The following PPM1H variants were observed in gnomAD, a reference collection of about 807,000 sequenced individuals.
The protein encoded by PPM1H is protein phosphatase, Mg2+/Mn2+ dependent 1H.
PPM1H carries 27 observed loss-of-function variants against 54.9 expected under a neutral mutation model. The observed-to-expected ratio is 0.49, with a 90% confidence interval of 0.36 to 0.68. The LOEUF (loss-of-function observed/expected upper bound fraction) is 0.68. Ranked by LOEUF, PPM1H falls within the 30% of genes least tolerant of loss-of-function variation. The pLI is 0.00. For synonymous variants in PPM1H, 305 were observed against 270.8 expected, an observed-to-expected ratio of 1.13 and a Z score of -1.24; for missense variants, 596 against 667.8, an observed-to-expected ratio of 0.89 and a Z score of 1.19.
chr12:62,746,250 C>T (rs1397227003), intron 4 of PPM1H, among the ~76,000 whole-genome samples: 1 of 152,164 alleles, frequency 6.6e-6, no homozygotes, highest in Non-Finnish European at 1.5e-5. Context: ...TCCCCTGCAG[C>T]CTGAGCATTC....
chr12:62,772,303 AGT>A (rs1181237578), intron 4 of PPM1H, among the ~76,000 whole-genome samples: 1 of 152,166 alleles, frequency 6.6e-6, no homozygotes, highest in Non-Finnish European at 1.5e-5. Flanking sequence ...CATTCTGCTA[AGT>A]TGTGTGGCTA....
intron 5 of PPM1H, among the ~76,000 whole-genome samples, chr12:62,736,215 C>T (rs987728643): frequency 1.6e-4 from 24 of 152,138 alleles, no homozygotes; most frequent in African/African-American, 2.2e-4. Flanking sequence ...GTGGCCCTAT[C>T]GTCCAGCTCT....
intron 4 of PPM1H, among the ~76,000 whole-genome samples, chr12:62,744,097 C>T (rs2076397033): frequency 6.6e-6 from 1 of 151,190 alleles, no homozygotes; most frequent in African/African-American, 2.4e-5. Context: ...CTGGAAACAG[C>T]CTGAATGTCT....
At chr12:62,767,868 G>A (rs2076553467) in intron 4 of PPM1H, among the ~76,000 whole-genome samples, 1 of 152,024 alleles carries the variant, frequency 6.6e-6, no homozygotes, top group Non-Finnish European at 1.5e-5. Context: ...TTCTTAACCC[G>A]TCTCTACCTC....
chr12:62,915,332 C>G (rs1053425579), intron 1 of PPM1H, among the ~76,000 whole-genome samples: 1 of 152,220 alleles, frequency 6.6e-6, no homozygotes, highest in Non-Finnish European at 1.5e-5. Flanking sequence ...CTCTGCCTCA[C>G]GCGCGACCTT....
chr12:62,758,276 G>A (rs567562759), intron 4 of PPM1H, among the ~76,000 whole-genome samples: 1 of 152,236 alleles, frequency 6.6e-6, no homozygotes, highest in East Asian at 1.9e-4. Flanking sequence ...TCTTTGAAGG[G>A]TATTTATTTT....
intron 4 of PPM1H, among the ~76,000 whole-genome samples, chr12:62,761,752 G>T (rs1379692716): frequency 6.6e-6 from 1 of 152,180 alleles, no homozygotes; most frequent in Admixed American, 6.5e-5. Context: ...GAGCTGGCTG[G>T]CTTAGTGTAA....
chr12:62,818,614 G>C (rs2076884043), intron 2 of PPM1H, among the ~76,000 whole-genome samples: 1 of 151,914 alleles, frequency 6.6e-6, no homozygotes, highest in African/African-American at 2.4e-5. Context: ...GTTCTCAGAG[G>C]TAGGCATGTC....
chr12:62,742,710 C>T (rs1456601443), intron 4 of PPM1H, among the ~76,000 whole-genome samples: 1 of 152,194 alleles, frequency 6.6e-6, no homozygotes, highest in Non-Finnish European at 1.5e-5. Flanking sequence ...CTCTGACCTT[C>T]CTTCTGGGGC....
chr12:62,657,994 A>G (rs556486995), intron 9 of PPM1H, among the ~76,000 whole-genome samples: 1 of 150,320 alleles, frequency 6.7e-6, no homozygotes, highest in East Asian at 2.0e-4. Flanking sequence ...CTGCATAAAT[A>G]CTGCATAAAA....
rs1453184329 is a variant in PPM1H at position 62,702,429 on chromosome 12, C to T, written c.1074-8430G>A. Among the ~76,000 whole-genome samples the T allele has an allele frequency of 2.0e-5, 3 of 151,970 alleles. No individual in the cohort carries two copies. In the South Asian group the frequency reaches 6.2e-4, roughly 32 times the overall value. On this transcript the variant is annotated intron_variant, in intron 6 of 9. Transcript: ENST00000228705. ...GGATTCCTCCATTTCCAGGAAGAGCCCCTACTCTGATTGCTTAACCCATGG... is the reference window on the plus strand; with the variant it reads ...GGATTCCTCCATTTCCAGGAAGAGCTCCTACTCTGATTGCTTAACCCATGG...
At chr12:62,860,875 T>C (rs1488511509) in intron 1 of PPM1H, among the ~76,000 whole-genome samples, 5 of 152,214 alleles carry the variant, frequency 3.3e-5, no homozygotes, top group Non-Finnish European at 5.9e-5. Context: ...TAACACTGAC[T>C]GGGTGTGGGA....
chr12:62,859,556 G>A (rs926181339), intron 1 of PPM1H, among the ~76,000 whole-genome samples: 1 of 152,182 alleles, frequency 6.6e-6, no homozygotes, highest in Non-Finnish European at 1.5e-5. Context: ...TCTGAATAGT[G>A]ATTCATTCAC....
intron 1 of PPM1H, among the ~76,000 whole-genome samples, chr12:62,852,593 G>A (rs1869237480): frequency 6.6e-6 from 1 of 152,198 alleles, no homozygotes; most frequent in Non-Finnish European, 1.5e-5. Context: ...TTGATAATTG[G>A]AAAATAATCA....
chr12:62,758,735 G>T (rs900363660), intron 4 of PPM1H, among the ~76,000 whole-genome samples: 2 of 152,190 alleles, frequency 1.3e-5, no homozygotes, highest in Non-Finnish European at 2.9e-5. Context: ...AGAGCTAAGA[G>T]AATTTCTTTT....
rs756011853 is a variant in PPM1H, at chr12:62,832,160, C to A, written c.365G>T (p.Arg122Leu). ...STPNRNSSKRRSSLPNGEGLQ... is the reference protein window; with the variant it reads ...STPNRNSSKRLSSLPNGEGLQ... ...CCCTTCCCCATTGGGAAGGGAGGAC[C>A]GTCTCTTGGATGAGTTCCTGTTTGG... Residue 122 changes from arginine to leucine, a missense_variant, in exon 2 of 10, where the codon CGG (arginine) becomes CTG (leucine). Transcript: ENST00000228705. 2.5e-6 allele frequency: 4 copies of A among 1,613,846 alleles called. No individual in the cohort carries two copies. The highest frequency in any genetic ancestry group is 1.7e-5 in the Admixed American group (1 of 60,020).
intron 4 of PPM1H, among the ~76,000 whole-genome samples, chr12:62,768,358 C>T (rs183526698): frequency 4.6e-5 from 7 of 152,092 alleles, no homozygotes; most frequent in East Asian, 1.9e-4. Flanking sequence ...AGGGACAATC[C>T]GGGATGTGAA....
chr12:62,894,374 G>T (rs923524507), intron 1 of PPM1H, among the ~76,000 whole-genome samples: 1 of 152,134 alleles, frequency 6.6e-6, no homozygotes, highest in African/African-American at 2.4e-5. Context: ...ACCCAAAAAG[G>T]TATTTAGATG....
intron 4 of PPM1H, among the ~76,000 whole-genome samples, chr12:62,768,864 G>A (rs2076561370): frequency 6.6e-6 from 1 of 152,114 alleles, no homozygotes; most frequent in African/African-American, 2.4e-5. Context: ...AGTACGGAGA[G>A]GCACAAATCC....
Sources: gnomAD v4.1 joint callset for allele counts (sites outside exome capture counted in the v4.1 genomes callset) on GRCh38, gnomAD v4.1.1 for gene constraint, MANE v1.5 for transcripts, NCBI Gene and HGNC (gene_info 2026-07-23, HGNC 2026-07-21) for gene names.